Variants in HSPA12A observed in about 807,000 individuals in gnomAD.
The protein encoded by HSPA12A is heat shock protein family A (Hsp70) member 12A.
Under a neutral mutation model 69.2 loss-of-function variants are expected in HSPA12A, and 28 were observed. That is an observed-to-expected ratio of 0.40 (90% CI 0.30 to 0.55). HSPA12A has a LOEUF of 0.55. HSPA12A is among the 20% of genes least tolerant of loss of function. HSPA12A has a pLI of 0.38. For missense variants in HSPA12A, 686 were observed against 900.7 expected (o/e 0.76, Z 3.05); for synonymous variants, 345 against 370.5 (o/e 0.93, Z 0.79).
intron 1 of HSPA12A, among the ~76,000 whole-genome samples, chr10:116,718,315 A>T (rs1354328898): frequency 6.6e-6 from 1 of 152,134 alleles, no homozygotes; most frequent in Non-Finnish European, 1.5e-5. Flanking sequence ...GTCCCTGGGG[A>T]GGGGAGAGGG....
chr10:116,743,507 T>C (rs1435051616), upstream of HSPA12A, among the ~76,000 whole-genome samples: 2 of 152,200 alleles, frequency 1.3e-5, no homozygotes, highest in Non-Finnish European at 2.9e-5. Flanking sequence ...ACTAACATTT[T>C]GCAGATAAGG....
intron 2 of HSPA12A, among the ~76,000 whole-genome samples, chr10:116,782,925 C>T (rs1295476925): frequency 6.6e-6 from 1 of 152,146 alleles, no homozygotes; most frequent in Non-Finnish European, 1.5e-5. Context: ...CACAGGGTCA[C>T]CCTCACGGAG....
chr10:116,738,308 C>T (rs1231123888), intron 1 of HSPA12A, among the ~76,000 whole-genome samples: 1 of 152,164 alleles, frequency 6.6e-6, no homozygotes, highest in Non-Finnish European at 1.5e-5. Context: ...TGCTGTGTTC[C>T]CTCATGTCTT....
chr10:116,769,851 G>A (rs765981011), intron 2 of HSPA12A, among the ~76,000 whole-genome samples: 5 of 152,138 alleles, frequency 3.3e-5, no homozygotes, highest in Admixed American at 6.5e-5. Context: ...TGGGGTGTTC[G>A]GAAGAAAATG....
rs544213742 is a variant in HSPA12A at position 116,686,436 on chromosome 10, C to T, written c.664-2474G>A. ...GAAGGGACAACTTGCTGCAAAGAAA[C>T]TGCCAGGCCTGTATGTATACAATTC... On this transcript the variant is annotated intron_variant, in intron 6 of 11. Coordinates refer to ENST00000369209, the MANE Select transcript of HSPA12A (RefSeq NM_025015.3). This position sits in a 1 kb window ranked among gnomAD's most constrained non-coding sequence, Gnocchi z 4.1. Among the ~76,000 whole-genome samples, 1 of 152,218 alleles carries T rather than the reference C, an allele frequency of 6.6e-6. No homozygotes were observed. The highest frequency in any genetic ancestry group is 1.5e-5 in the Non-Finnish European group (1 of 68,044).
At chr10:116,778,533 C>T (rs1356738133) in intron 2 of HSPA12A, among the ~76,000 whole-genome samples, 3 of 152,218 alleles carry the variant, frequency 2.0e-5, no homozygotes, top group African/African-American at 7.2e-5. Flanking sequence ...AGGAGCTGCA[C>T]TTTGGCTGAA....
chr10:116,798,102 G>A (rs1844871553), intron 2 of HSPA12A, among the ~76,000 whole-genome samples: 2 of 151,728 alleles, frequency 1.3e-5, no homozygotes, highest in African/African-American at 4.8e-5. Flanking sequence ...AAGCCAGGCT[G>A]GCTTTTGTCA....
intron 2 of HSPA12A, among the ~76,000 whole-genome samples, chr10:116,802,269 C>G (rs148027813): frequency 6.6e-6 from 1 of 152,148 alleles, no homozygotes; most frequent in South Asian, 2.1e-4. Context: ...TGCCCAGGCC[C>G]GTGGACTCCT....
intron 2 of HSPA12A, among the ~76,000 whole-genome samples, chr10:116,787,164 C>T (rs1201472275): frequency 6.6e-6 from 1 of 151,960 alleles, no homozygotes; most frequent in African/African-American, 2.4e-5. Flanking sequence ...AGGGCAAAAA[C>T]GTCCATGGGA....
At chr10:116,824,794 C>T (rs534942123) in intron 2 of HSPA12A, among the ~76,000 whole-genome samples, 6 of 152,266 alleles carry the variant, frequency 3.9e-5, no homozygotes, top group African/African-American at 9.6e-5. Flanking sequence ...CCGCCACACC[C>T]GGCTAATTTT....
chr10:116,682,454 C>CCGGGGG (rs1849435992), intron 7 of HSPA12A, among the ~76,000 whole-genome samples: 1 of 140,902 alleles, frequency 7.1e-6, no homozygotes, highest in African/African-American at 3.0e-5. Flanking sequence ...GGTAAATAGA[C>CCGGGGG]TGGGGGGGGG....
intron 2 of HSPA12A, among the ~76,000 whole-genome samples, chr10:116,765,868 C>T (rs1554889714): frequency 6.6e-6 from 1 of 152,164 alleles, no homozygotes; most frequent in Non-Finnish European, 1.5e-5. Context: ...CCACTTTTTG[C>T]CCAACAGGAA....
At chr10:116,834,668 C>T (rs373899333) in intron 2 of HSPA12A, among the ~76,000 whole-genome samples, 30 of 152,218 alleles carry the variant, frequency 2.0e-4, no homozygotes, top group Non-Finnish European at 3.7e-4. Flanking sequence ...TGAGTGTGGC[C>T]AGCGATGATT....
At chr10:116,848,745 G>C (rs374490601) in intron 1 of HSPA12A, among the ~76,000 whole-genome samples, 59 of 152,078 alleles carry the variant, frequency 3.9e-4, no homozygotes, top group African/African-American at 1.3e-3. Context: ...GTGAGCCAAG[G>C]CCATTCCCCC....
chr10:116,679,664 G>T lies in HSPA12A; in HGVS notation c.1125C>A (p.Arg375=), dbSNP rs782748326. The T allele has an allele frequency of 2.5e-6, 4 of 1,614,128 alleles. No homozygotes were observed. Among genetic ancestry groups the T allele is most frequent in the Admixed American group, 1.7e-5 (1 of 60,014 alleles). ...TCATTAAGTCAACCCAGGCTGCAGG[G>T]CGTTTGATTTTGAATTGTTCAATAA... The part of the protein sequence containing the change: ...EDFIEQFKIK[R]PAAWVDLMIA... Residue 375 remains arginine (R), a synonymous_variant, in exon 10 of 12, where the codon CGC becomes CGA. Coordinates refer to ENST00000369209, the MANE Select transcript of HSPA12A (RefSeq NM_025015.3).
At chr10:116,760,714 G>A (rs145299877) in intron 2 of HSPA12A, among the ~76,000 whole-genome samples, 2,159 of 152,202 alleles carry the variant, frequency 0.014, 25 homozygotes, top group Middle Eastern at 0.065. Flanking sequence ...GGGTTTTTGC[G>A]TAATTACACA....
At chr10:116,734,305 C>T (rs1554886188) in intron 1 of HSPA12A, among the ~76,000 whole-genome samples, 1 of 152,058 alleles carries the variant, frequency 6.6e-6, no homozygotes, top group Non-Finnish European at 1.5e-5. Context: ...CAAAAATTAG[C>T]TGGACATGGT....
chr10:116,784,816 T>C (rs556133475), intron 2 of HSPA12A, among the ~76,000 whole-genome samples: 221 of 152,232 alleles, frequency 1.5e-3, no homozygotes, highest in African/African-American at 5.0e-3. Flanking sequence ...GAAATCAACA[T>C]AGACAGAGCC....
At chr10:116,769,625 G>A (rs536778522) in intron 2 of HSPA12A, among the ~76,000 whole-genome samples, 177 of 152,240 alleles carry the variant, frequency 1.2e-3, no homozygotes, top group African/African-American at 3.5e-3. Context: ...TCGATTCCCC[G>A]TCTAAGTGCA....
Sources: gnomAD v4.1 joint callset for allele counts (sites outside exome capture counted in the v4.1 genomes callset) on GRCh38, gnomAD v4.1.1 for gene constraint, Gnocchi (gnomAD v3.1) non-coding constraint, MANE v1.5 for transcripts, NCBI Gene and HGNC (gene_info 2026-07-23, HGNC 2026-07-21) for gene names.